SPMIP7: variants seen among roughly 807,000 people sequenced by gnomAD.
SPMIP7 encodes protein SPMIP7.
chr7:50,103,620 A>T, the SPMIP7 span, among the ~76,000 whole-genome samples: 2 of 152,220 alleles, frequency 1.3e-5, no homozygotes, highest in African/African-American at 4.8e-5. Context: ...TCCTGGAACA[A>T]CTACCCTTCC....
the SPMIP7 span, chr7:50,141,574 G>T: frequency 1.8e-6 from 1 of 543,702 alleles, no homozygotes; most frequent in South Asian, 2.2e-5. Context: ...ACTCACTTGG[G>T]GCCCTTGAGC....
At chr7:50,113,443 T>G in the SPMIP7 span, among the ~76,000 whole-genome samples, 1 of 152,160 alleles carries the variant, frequency 6.6e-6, no homozygotes, top group Non-Finnish European at 1.5e-5. Context: ...CAAATCTGTT[T>G]CATATGTTCA....
the SPMIP7 span, among the ~76,000 whole-genome samples, chr7:50,125,163 C>CATATATACACATATATATACAT: frequency 2.6e-5 from 1 of 38,918 alleles, no homozygotes; most frequent in Non-Finnish European, 4.8e-5. Flanking sequence ...TATATATACA[C>CATATATACACATATATATACAT]ATATATACAC....
At chr7:50,143,226 G>A in the SPMIP7 span, among the ~76,000 whole-genome samples, 3 of 146,544 alleles carry the variant, frequency 2.0e-5, no homozygotes, top group Non-Finnish European at 3.0e-5. Context: ...GTGCAGTGGC[G>A]TGATCTCGGC....
the SPMIP7 span, among the ~76,000 whole-genome samples, chr7:50,113,034 A>C: frequency 6.6e-6 from 1 of 151,972 alleles, no homozygotes; most frequent in Non-Finnish European, 1.5e-5. Context: ...CAAACAGGAC[A>C]GGGAACGTTT....
chr7:50,140,191 G>A, the SPMIP7 span: 3 of 1,473,746 alleles, frequency 2.0e-6, no homozygotes, highest in African/African-American at 1.4e-5. Flanking sequence ...CGTAAGTAAT[G>A]TTTCTCAGTC....
At chr7:50,129,621 A>AG in the SPMIP7 span, 1 of 848,958 alleles carries the variant, frequency 1.2e-6, no homozygotes, top group South Asian at 1.6e-5. Flanking sequence ...AGAAATATGA[A>AG]GAAAAAGGAA....
At chr7:50,106,440 C>T in the SPMIP7 span, among the ~76,000 whole-genome samples, 3 of 152,230 alleles carry the variant, frequency 2.0e-5, no homozygotes, top group Middle Eastern at 3.4e-3. Flanking sequence ...CAGACTGCAG[C>T]CTAGCTTAAT....
At chr7:50,131,220 T>A in the SPMIP7 span, among the ~76,000 whole-genome samples, 1 of 152,140 alleles carries the variant, frequency 6.6e-6, no homozygotes, top group Non-Finnish European at 1.5e-5. Flanking sequence ...TCTGGATGTA[T>A]GTCGAATGTA....
chr7:50,134,381 TATATACAC>T, the SPMIP7 span: 2 of 560,100 alleles, frequency 3.6e-6, no homozygotes, highest in Non-Finnish European at 5.6e-6. Context: ...TAAGTAAATA[TATATACAC>T]ACACACACAC....
the SPMIP7 span, among the ~76,000 whole-genome samples, chr7:50,144,103 A>C: frequency 6.6e-6 from 1 of 152,196 alleles, no homozygotes; most frequent in African/African-American, 2.4e-5. Context: ...ACTTATGGCT[A>C]TCATTTTCTT....
At chr7:50,151,208 C>T in the SPMIP7 span, among the ~76,000 whole-genome samples, 1 of 152,108 alleles carries the variant, frequency 6.6e-6, no homozygotes, top group Admixed American at 6.5e-5. Flanking sequence ...AAAACATGAA[C>T]TTGAAATAAA....
chr7:50,129,806 C>T, the SPMIP7 span: 4 of 1,513,782 alleles, frequency 2.6e-6, no homozygotes, highest in South Asian at 4.9e-5. Context: ...AAGCAGTTTT[C>T]CCAGTGGAAT....
chr7:50,127,992 T>C, the SPMIP7 span, among the ~76,000 whole-genome samples: 1 of 151,940 alleles, frequency 6.6e-6, no homozygotes, highest in Non-Finnish European at 1.5e-5. Context: ...GAAAACAATA[T>C]ATCGAAAAGA....
chr7:50,152,768 CCT>C, the SPMIP7 span, among the ~76,000 whole-genome samples: 1 of 151,936 alleles, frequency 6.6e-6, no homozygotes, highest in African/African-American at 2.4e-5. Flanking sequence ...CTCACTGCAA[CCT>C]CTTTCTCCTG....
At chr7:50,145,614 GTGTGTA>G in the SPMIP7 span, among the ~76,000 whole-genome samples, 302 of 39,056 alleles carry the variant, frequency 7.7e-3, 16 homozygotes, top group African/African-American at 0.021. Context: ...GTGTATATGT[GTGTGTA>G]TATATATATA....
At chr7:50,149,795 T>C in the SPMIP7 span, among the ~76,000 whole-genome samples, 1 of 152,196 alleles carries the variant, frequency 6.6e-6, no homozygotes, top group Non-Finnish European at 1.5e-5. Context: ...CTGCCTGATA[T>C]GTATTTTCCC....
chr7:50,126,645 TA>T, the SPMIP7 span, among the ~76,000 whole-genome samples: 1,074 of 151,782 alleles, frequency 7.1e-3, 6 homozygotes, highest in Middle Eastern at 0.017. Flanking sequence ...ACAAAGCAAA[TA>T]AAAAACAATA....
chr7:50,130,522 T>G, the SPMIP7 span, among the ~76,000 whole-genome samples: 1 of 152,056 alleles, frequency 6.6e-6, no homozygotes. Flanking sequence ...CAATTCAAGG[T>G]CAGATTTGGG....
Sources: allele counts gnomAD v4.1 joint callset (sites outside exome capture counted in the v4.1 genomes callset), GRCh38; gene constraint gnomAD v4.1.1; transcripts MANE v1.5; gene names NCBI Gene and HGNC (gene_info 2026-07-23, HGNC 2026-07-21).